HAUS1: variants seen among roughly 807,000 people sequenced by gnomAD.
HAUS1 encodes the protein HAUS augmin-like complex subunit 1.
A neutral mutation model predicts 38.6 loss-of-function variants in HAUS1; 25 were observed. That is an observed-to-expected ratio of 0.65 (90% CI 0.47 to 0.91). HAUS1 has a LOEUF of 0.91. Among genes scored for constraint, HAUS1 ranks in the 40% least tolerant of loss-of-function variants. The pLI is 0.00. For missense variants in HAUS1, 325 were observed against 328.4 expected, an observed-to-expected ratio of 0.99 and a Z score of 0.08; for synonymous variants, 109 against 112.9, an observed-to-expected ratio of 0.97 and a Z score of 0.22.
At chr18:46,112,355 A>C (rs12961786) in intron 2 of HAUS1, among the ~76,000 whole-genome samples, 1 of 112,662 alleles carries the variant, frequency 8.9e-6, no homozygotes, top group East Asian at 2.7e-4. Context: ...ATTATATATA[A>C]TATATATAAT....
At chr18:46,108,810 G>A (rs1244154578) in intron 2 of HAUS1, among the ~76,000 whole-genome samples, 1 of 152,132 alleles carries the variant, frequency 6.6e-6, no homozygotes. Context: ...GATGGCTCAA[G>A]CCTGTAATCC....
At chr18:46,105,708 A>G (rs1007070202) in intron 2 of HAUS1, among the ~76,000 whole-genome samples, 1 of 151,800 alleles carries the variant, frequency 6.6e-6, no homozygotes, top group African/African-American at 2.4e-5. Flanking sequence ...CAGCCTCCCA[A>G]GTAGCTGGGA....
At position 46,110,352 on chromosome 18, in the gene HAUS1, T is replaced by TTTTG. The variant is rs1300482820; in HGVS notation, c.205+4987_205+4988insGTTT. On this transcript the variant is annotated intron_variant, in intron 2 of 8. Coordinates refer to ENST00000282058, the MANE Select transcript of HAUS1 (RefSeq NM_138443.4). ...TTTAAGGTTTTTTTTTTTTTTTTTT[T>TTTTG]TTTTTTTTTTAGATGGAGTTTCACT... 4.8e-3 allele frequency among the ~76,000 whole-genome samples: 653 copies of TTTTG among 135,308 alleles called. 17 individuals carry two copies. The highest frequency in any genetic ancestry group is 0.025 in the Admixed American group (333 of 13,168). The allele number at this position is 135,308 out of a possible 152,430, so 88.8% of individuals were successfully genotyped here.
chr18:46,104,465 G>A (rs1298783478), intron 1 of HAUS1, 24 bp downstream of exon 1: 9 of 1,460,778 alleles, frequency 6.2e-6, no homozygotes, highest in Admixed American at 2.5e-5. Flanking sequence ...AATGGGGATC[G>A]TTGGCCTCCT....
intron 3 of HAUS1, 67 bp downstream of exon 3, chr18:46,118,383 C>A: frequency 6.7e-7 from 1 of 1,485,944 alleles, no homozygotes; most frequent in Non-Finnish European, 9.3e-7. Context: ...ACTTTTTGTT[C>A]TCAGCATAAT....
chr18:46,122,663 T>G, intron 5 of HAUS1, 73 bp downstream of exon 5: 1 of 1,538,472 alleles, frequency 6.5e-7, no homozygotes, highest in South Asian at 1.1e-5. Context: ...CAGCTAGGCA[T>G]TATTATTCCC....
chr18:46,108,395 C>T (rs1278658573), intron 2 of HAUS1, among the ~76,000 whole-genome samples: 1 of 151,838 alleles, frequency 6.6e-6, no homozygotes, highest in African/African-American at 2.4e-5. Flanking sequence ...CCTCACCCTC[C>T]CAAAGTGCTG....
chr18:46,106,353 C>T (rs1014934771), intron 2 of HAUS1, among the ~76,000 whole-genome samples: 1 of 151,960 alleles, frequency 6.6e-6, no homozygotes, highest in Non-Finnish European at 1.5e-5. Context: ...CCTGTAGTTC[C>T]AGCTGCTCGG....
chr18:46,125,759 C>A lies in HAUS1; in HGVS notation c.754C>A (p.Gln252Lys). 1 of 1,602,532 alleles carries A rather than the reference C, an allele frequency of 6.2e-7. No individual in the cohort carries two copies. ...LDLMPNPSLAQVKIEEAKREL... is the reference protein window; with the variant it reads ...LDLMPNPSLAKVKIEEAKREL... ...TTTTTTAAAGAATCCGTCTCTTGCT[C>A]AAGTGAAAATTGAAGAAGCAAAGCG... Residue 252 changes from glutamine (Q) to lysine (K), a missense_variant, in exon 8 of 9, where the codon CAA becomes AAA. Physicochemically the swap from Gln to Lys is moderately conservative, Grantham distance 53. Coordinates refer to ENST00000282058, the MANE Select transcript of HAUS1 (RefSeq NM_138443.4).
At chr18:46,120,473 A>G (rs1179077659) in intron 4 of HAUS1, among the ~76,000 whole-genome samples, 1 of 151,084 alleles carries the variant, frequency 6.6e-6, no homozygotes, top group Non-Finnish European at 1.5e-5. Flanking sequence ...ACCTCAGGTG[A>G]TCCGCCCGCC....
intron 4 of HAUS1, chr18:46,121,520 AGTTT>A (rs1911943036): frequency 6.6e-6 from 1 of 152,000 alleles, no homozygotes; most frequent in Non-Finnish European, 1.5e-5. Context: ...CAAAATTCAC[AGTTT>A]ATTTAGGTTG....
In HAUS1 at chr18:46,119,967, G is replaced by C. The variant is rs147895912; in HGVS notation, c.383G>C (p.Arg128Pro). Residue 128 changes from arginine to proline, a missense_variant, in exon 4 of 9, where the codon CGT (arginine) becomes CCT (proline). Arg to Pro is a moderately radical substitution (Grantham distance 103). Coordinates refer to ENST00000282058, the MANE Select transcript of HAUS1 (RefSeq NM_138443.4). ...AVNDLTSDLF[R>P]TKSKSEEIKI... Reference sequence around the variant, plus strand: ...AATGATTTGACCTCTGATCTCTTTCGTACCAAATCCAAAAGTGAAGAAATC... The same window carrying C: ...AATGATTTGACCTCTGATCTCTTTCCTACCAAATCCAAAAGTGAAGAAATC... The C allele has an allele frequency of 2.5e-6, 4 of 1,608,352 alleles. No homozygotes were observed. The African/African-American group carries it at 5.4e-5, about 22-fold the overall frequency.
chr18:46,122,333 A>C, intron 4 of HAUS1, 134 bp from the exon 5 acceptor site: 1 of 782,238 alleles, frequency 1.3e-6, no homozygotes, highest in Non-Finnish European at 2.1e-6. Flanking sequence ...AGAGTGCAAC[A>C]TGGAGGGGAA....
chr18:46,119,149 G>A (rs550910530), intron 3 of HAUS1, among the ~76,000 whole-genome samples: 7 of 152,278 alleles, frequency 4.6e-5, no homozygotes, highest in African/African-American at 1.4e-4. Context: ...GATTACAGGC[G>A]TGAGCCACTG....
At chr18:46,104,489 T>A (rs376475347) in intron 1 of HAUS1, 48 bp downstream of exon 1, 30 of 1,427,752 alleles carry the variant, frequency 2.1e-5, no homozygotes, top group Non-Finnish European at 2.8e-5. Flanking sequence ...AAACGCGTTT[T>A]TGACACCCCC....
At chr18:46,115,877 G>A (rs530236339) in intron 2 of HAUS1, among the ~76,000 whole-genome samples, 63 of 152,256 alleles carry the variant, frequency 4.1e-4, no homozygotes, top group African/African-American at 1.5e-3. Flanking sequence ...AGCACTTCGG[G>A]AGGCTGAGGC....
chr18:46,123,816 T>G (rs1017051203), intron 6 of HAUS1, among the ~76,000 whole-genome samples: 7 of 152,216 alleles, frequency 4.6e-5, no homozygotes, highest in Admixed American at 3.9e-4. Context: ...TTATTATTCT[T>G]AACGTTTTTC....
intron 2 of HAUS1, among the ~76,000 whole-genome samples, chr18:46,107,828 T>C (rs1477515758): frequency 1.3e-5 from 2 of 152,148 alleles, no homozygotes; most frequent in Non-Finnish European, 2.9e-5. Flanking sequence ...TTGCAGGAAT[T>C]GGGAAAGGAC....
chr18:46,120,587 T>A (rs1015816695), intron 4 of HAUS1, among the ~76,000 whole-genome samples: 1 of 151,696 alleles, frequency 6.6e-6, no homozygotes, highest in Non-Finnish European at 1.5e-5. Context: ...TTTCTTACCT[T>A]ATTTTTTTTT....
Sources: gnomAD v4.1 joint callset for allele counts (sites outside exome capture counted in the v4.1 genomes callset) on GRCh38, gnomAD v4.1.1 for gene constraint, MANE v1.5 for transcripts, NCBI Gene and HGNC (gene_info 2026-07-23, HGNC 2026-07-21) for gene names.